The following ZBTB7C variants were observed in gnomAD, a reference collection of about 807,000 sequenced individuals.
ZBTB7C encodes zinc finger and BTB domain containing 7C.
A neutral mutation model predicts 25.7 loss-of-function variants in ZBTB7C; 8 were observed. The ratio of observed to expected loss-of-function variants is 0.31; its 90% CI spans 0.18 to 0.56. ZBTB7C has a LOEUF of 0.56. Ranked by LOEUF, ZBTB7C falls within the 20% of genes least tolerant of loss-of-function variation. ZBTB7C has a pLI of 0.91. For synonymous variants in ZBTB7C, 394 were observed against 369.0 expected, an observed-to-expected ratio of 1.07 and a Z score of -0.78; for missense variants, 824 against 855.2, an observed-to-expected ratio of 0.96 and a Z score of 0.46.
intron 3 of ZBTB7C, among the ~76,000 whole-genome samples, chr18:48,142,901 C>T: frequency 6.8e-6 from 1 of 146,308 alleles, no homozygotes; most frequent in African/African-American, 2.8e-5. Context: ...CCTTCCTTCC[C>T]TTCACAGGTA....
chr18:48,029,715 G>T lies in ZBTB7C; in HGVS notation c.1405C>A (p.Arg469Ser). The change falls in exon 5 of 5, where the codon CGC becomes AGC. Residue 469 changes from arginine (R) to serine (S), a missense_variant. Around this residue, in one of 4 missense-constraint regions of ZBTB7C, gnomAD observed 342 missense variants for 307.0 expected, o/e 1.11. Coordinates refer to ENST00000590800, the MANE Select transcript of ZBTB7C (RefSeq NM_001318841.2). ...GGCCGTGCCATGCGGCAGCTCTGGC[G>T]CTTGATGTGGCGGTGCAGGTGGTCA... ...RSDHLHRHIK[R>S]QSCRMARPRR... 1 of 1,605,460 alleles carries T rather than the reference G, an allele frequency of 6.2e-7. No individual in the cohort carries two copies.
chr18:48,147,969 C>A (rs1291591175), intron 3 of ZBTB7C: 1 of 151,852 alleles, frequency 6.6e-6, no homozygotes, highest in Admixed American at 6.6e-5. Context: ...TCTGCCTAAC[C>A]CCTCCAGAAT....
chr18:48,349,728 C>G (rs2046821634), intron 1 of ZBTB7C, among the ~76,000 whole-genome samples: 2 of 152,144 alleles, frequency 1.3e-5, no homozygotes, highest in African/African-American at 4.8e-5. Flanking sequence ...AAAGTCTGGT[C>G]CATTAGGGCC....
intron 3 of ZBTB7C, among the ~76,000 whole-genome samples, chr18:48,121,193 G>C (rs1443375719): frequency 6.6e-6 from 1 of 152,196 alleles, no homozygotes; most frequent in Non-Finnish European, 1.5e-5. Flanking sequence ...CATAACCCAG[G>C]AATTGTGGGT....
chr18:48,147,298 G>A (rs1489838484), intron 3 of ZBTB7C, among the ~76,000 whole-genome samples: 5 of 151,834 alleles, frequency 3.3e-5, no homozygotes, highest in East Asian at 3.9e-4. Context: ...GGCTGGTCTC[G>A]AACTCCTGAC....
intron 3 of ZBTB7C, among the ~76,000 whole-genome samples, chr18:48,116,835 C>T (rs2039457092): frequency 6.6e-6 from 1 of 152,174 alleles, no homozygotes; most frequent in African/African-American, 2.4e-5. Flanking sequence ...GGAGAAAGCA[C>T]AGGGCCTGCA....
At chr18:48,089,825 G>A (rs568729161) in intron 3 of ZBTB7C, among the ~76,000 whole-genome samples, 1 of 152,268 alleles carries the variant, frequency 6.6e-6, no homozygotes, top group South Asian at 2.1e-4. Flanking sequence ...ACTGGCTGCT[G>A]TGGCTTAATT....
At chr18:48,033,262 T>G (rs1474043675) in intron 4 of ZBTB7C, among the ~76,000 whole-genome samples, 1 of 152,102 alleles carries the variant, frequency 6.6e-6, no homozygotes, top group Admixed American at 6.5e-5. Flanking sequence ...AGTTAAGAGC[T>G]TCCCAAAGGT....
At chr18:48,144,949 C>T (rs974535220) in intron 3 of ZBTB7C, among the ~76,000 whole-genome samples, 5 of 152,118 alleles carry the variant, frequency 3.3e-5, no homozygotes, top group African/African-American at 9.7e-5. Context: ...CCTGGATGGA[C>T]GTCTTCTGGG....
At chr18:48,079,852 CA>C (rs1568201596) in intron 3 of ZBTB7C, among the ~76,000 whole-genome samples, 1 of 152,176 alleles carries the variant, frequency 6.6e-6, no homozygotes, top group Non-Finnish European at 1.5e-5. Flanking sequence ...GGTCCACTTC[CA>C]GGGGGACCGA....
intron 2 of ZBTB7C, among the ~76,000 whole-genome samples, chr18:48,302,852 T>C (rs1429881062): frequency 1.3e-5 from 2 of 152,242 alleles, no homozygotes; most frequent in African/African-American, 2.4e-5. Context: ...CTGCATCCTC[T>C]GGCTTGAAGT....
In ZBTB7C at chr18:48,028,488, G is replaced by T. The variant is rs973020466; in HGVS notation, c.*772C>A. The T allele has an allele frequency of 1.3e-5, 2 of 152,220 alleles. No homozygotes were observed. The highest frequency in any genetic ancestry group is 2.9e-5 in the Non-Finnish European group (2 of 68,044). The allele number at this position is 152,220 out of a possible 1,614,324, so 9.4% of individuals were successfully genotyped here. On this transcript the variant is annotated 3_prime_UTR_variant, in exon 5 of 5. Transcript: ENST00000590800. ...GATGTGATAAAACTAAGTCCAGAAA[G>T]ATAAACTGTTTCCCCATGGACTTGG... is the stretch of plus-strand genomic sequence containing the variant.
chr18:48,292,035 T>C (rs892754345), intron 2 of ZBTB7C, among the ~76,000 whole-genome samples: 1 of 152,014 alleles, frequency 6.6e-6, no homozygotes, highest in African/African-American at 2.4e-5. Context: ...CCGTCTTTAC[T>C]ATAAATACAA....
At chr18:48,062,983 A>G (rs2037180571) in intron 3 of ZBTB7C, among the ~76,000 whole-genome samples, 1 of 152,226 alleles carries the variant, frequency 6.6e-6, no homozygotes. Flanking sequence ...AGGCCCTGGC[A>G]TCAGTGGGAT....
At chr18:48,129,142 A>G (rs1197082666) in intron 3 of ZBTB7C, among the ~76,000 whole-genome samples, 2 of 152,148 alleles carry the variant, frequency 1.3e-5, no homozygotes, top group African/African-American at 2.4e-5. Context: ...TGAGCAGTGT[A>G]GGAAAAGCAT....
At chr18:48,351,603 T>G (rs939389489) in intron 1 of ZBTB7C, among the ~76,000 whole-genome samples, 1 of 152,214 alleles carries the variant, frequency 6.6e-6, no homozygotes, top group African/African-American at 2.4e-5. Context: ...AAAAACGCCG[T>G]TTTCCTGCTC....
chr18:48,389,226 CTCTCTCTCTCGTGTGT>C (rs1262933675), intron 1 of ZBTB7C, among the ~76,000 whole-genome samples: 310 of 109,946 alleles, frequency 2.8e-3, no homozygotes, highest in East Asian at 0.01. Flanking sequence ...CTCTCTCTCT[CTCTCTCTCTCGTGTGT>C]GTGTGTGTGT....
intron 3 of ZBTB7C, among the ~76,000 whole-genome samples, chr18:48,165,760 C>T (rs940842885): frequency 6.6e-6 from 1 of 152,192 alleles, no homozygotes; most frequent in African/African-American, 2.4e-5. Context: ...ACTTGAACAT[C>T]GTAACCACAA....
At chr18:48,368,194 C>CCAG (rs1356852125) in intron 1 of ZBTB7C, among the ~76,000 whole-genome samples, 1 of 150,376 alleles carries the variant, frequency 6.6e-6, no homozygotes, top group African/African-American at 2.4e-5. Context: ...AATGCTTAAG[C>CCAG]CAGCAACTCT....
Sources: gnomAD v4.1 joint callset for allele counts (sites outside exome capture counted in the v4.1 genomes callset) on GRCh38, gnomAD v4.1.1 for gene constraint, gnomAD v4.1.1 regional missense constraint, MANE v1.5 for transcripts, NCBI Gene and HGNC (gene_info 2026-07-23, HGNC 2026-07-21) for gene names.